Variants in FSTL5 observed in about 807,000 individuals in gnomAD.
The protein encoded by FSTL5 is follistatin like 5.
Under a neutral mutation model 89.1 loss-of-function variants are expected in FSTL5, and 62 were observed. The ratio of observed to expected loss-of-function variants is 0.70; its 90% CI spans 0.57 to 0.86. The LOEUF (loss-of-function observed/expected upper bound fraction) is 0.86. FSTL5 is among the 40% of genes least tolerant of loss of function. The pLI, the probability that FSTL5 is intolerant of heterozygous loss-of-function variation, is 0.00. For missense variants in FSTL5, 1,057 were observed against 1,001.6 expected (o/e 1.06, Z -0.75); for synonymous variants, 383 against 346.2 (o/e 1.11, Z -1.18).
At chr4:161,780,364 G>T (rs774165199) in intron 4 of FSTL5, among the ~76,000 whole-genome samples, 6 of 152,016 alleles carry the variant, frequency 3.9e-5, no homozygotes, top group African/African-American at 1.4e-4. Context: ...TACTTTGATA[G>T]AATCATTTTC....
At chr4:161,511,705 A>G (rs17041139) in intron 10 of FSTL5, among the ~76,000 whole-genome samples, 29,453 of 152,020 alleles carry the variant, frequency 0.19, 3,103 homozygotes, top group East Asian at 0.37. Context: ...GACAAATCTT[A>G]TTCTCAAGGA....
At chr4:161,950,243 C>T (rs34667367) in intron 3 of FSTL5, among the ~76,000 whole-genome samples, 49,144 of 152,018 alleles carry the variant, frequency 0.32, 9,733 homozygotes, top group Non-Finnish European at 0.43. Flanking sequence ...AGCACAGCTG[C>T]CAACATTCTT....
intron 3 of FSTL5, among the ~76,000 whole-genome samples, chr4:162,020,054 C>T (rs1388920380): frequency 6.6e-6 from 1 of 151,262 alleles, no homozygotes; most frequent in African/African-American, 2.4e-5. Context: ...TAAATAATGT[C>T]TCATATATTA....
Position 161,468,302 on chromosome 4 carries a change from T to C in FSTL5, c.1609-8983A>G, listed in dbSNP as rs1349002474. Among the ~76,000 whole-genome samples the C allele has an allele frequency of 2.0e-5, 3 of 152,002 alleles. No homozygotes were observed. In the East Asian group the frequency reaches 5.8e-4, roughly 29 times the overall value. ...TTGATATGTTGCTTTTGGTTCTGTT[T>C]TCCTAATGGAGGGCAGCTATAGAAA... is the stretch of plus-strand genomic sequence containing the variant. On this transcript the variant is annotated intron_variant, in intron 13 of 15. Transcript: ENST00000306100.
intron 4 of FSTL5, among the ~76,000 whole-genome samples, chr4:161,866,972 T>C (rs1732111744): frequency 6.6e-6 from 1 of 152,020 alleles, no homozygotes; most frequent in Admixed American, 6.6e-5. Flanking sequence ...AAAGACAGCA[T>C]CAAATGTAAT....
At chr4:161,806,919 G>T (rs1405648147) in intron 4 of FSTL5, among the ~76,000 whole-genome samples, 1 of 151,988 alleles carries the variant, frequency 6.6e-6, no homozygotes. Flanking sequence ...TACATAGATA[G>T]ATAGATAGAT....
At chr4:161,962,576 C>T (rs567914460) in intron 3 of FSTL5, among the ~76,000 whole-genome samples, 10 of 151,438 alleles carry the variant, frequency 6.6e-5, no homozygotes, top group Admixed American at 1.3e-4. Context: ...TTAATGAGCC[C>T]GCATTGCTCA....
At position 161,650,438 on chromosome 4, in the gene FSTL5, T is replaced by C. The variant is rs142562219; in HGVS notation, c.894+5890A>G. On this transcript the variant is annotated intron_variant, in intron 7 of 15. Coordinates refer to ENST00000306100, the MANE Select transcript of FSTL5 (RefSeq NM_020116.5). ...ATACAATAAAAATATTTATAGTATA[T>C]CTGAAATTCAAATTTACCTGGGAGT... Among the ~76,000 whole-genome samples, 915 of 152,306 alleles carry C rather than the reference T, an allele frequency of 6.0e-3. 9 individuals are homozygous for C. Among genetic ancestry groups the C allele is most frequent in the South Asian group, 0.045 (219 of 4,832 alleles).
intron 1 of FSTL5, among the ~76,000 whole-genome samples, chr4:162,117,486 A>C (rs1257694008): frequency 6.6e-6 from 1 of 152,198 alleles, no homozygotes; most frequent in Non-Finnish European, 1.5e-5. Context: ...TGGGGTTCTT[A>C]ACATTTATAA....
intron 4 of FSTL5, among the ~76,000 whole-genome samples, chr4:161,840,018 C>T (rs193022980): frequency 1.9e-4 from 29 of 152,198 alleles, no homozygotes; most frequent in Admixed American, 5.2e-4. Context: ...AATATACTTA[C>T]AGGAAAAGTA....
chr4:161,952,266 C>A (rs1734916905), intron 3 of FSTL5, among the ~76,000 whole-genome samples: 1 of 151,878 alleles, frequency 6.6e-6, no homozygotes, highest in Non-Finnish European at 1.5e-5. Context: ...CAATCGATAG[C>A]TCTATTTTTT....
intron 6 of FSTL5, among the ~76,000 whole-genome samples, chr4:161,684,144 T>C (rs1737621867): frequency 6.6e-6 from 1 of 151,582 alleles, no homozygotes; most frequent in South Asian, 2.1e-4. Context: ...TAGTATTCCA[T>C]GGTATACTAC....
intron 2 of FSTL5, among the ~76,000 whole-genome samples, chr4:162,064,501 A>G (rs891533062): frequency 6.6e-5 from 10 of 152,030 alleles, no homozygotes; most frequent in African/African-American, 2.4e-4. Flanking sequence ...AAAAAGGTAA[A>G]AAGTAGTTTC....
chr4:161,976,399 C>G (rs1403682443), intron 3 of FSTL5, among the ~76,000 whole-genome samples: 1 of 152,118 alleles, frequency 6.6e-6, no homozygotes, highest in Non-Finnish European at 1.5e-5. Flanking sequence ...TCATCATCAT[C>G]AAAATTTCTC....
chr4:162,099,848 TAGGG>T (rs1730917658), intron 2 of FSTL5, among the ~76,000 whole-genome samples: 1 of 152,156 alleles, frequency 6.6e-6, no homozygotes, highest in Non-Finnish European at 1.5e-5. Context: ...CATATGTCAT[TAGGG>T]AATTGCAAAT....
chr4:161,889,837 T>G (rs1350783238), intron 4 of FSTL5, among the ~76,000 whole-genome samples: 3 of 152,154 alleles, frequency 2.0e-5, no homozygotes, highest in African/African-American at 7.2e-5. Context: ...TTTACAAAAA[T>G]TTTTCTCTAA....
At chr4:162,006,425 G>C (rs2111119438) in intron 3 of FSTL5, among the ~76,000 whole-genome samples, 1 of 151,866 alleles carries the variant, frequency 6.6e-6, no homozygotes, top group Non-Finnish European at 1.5e-5. Context: ...GTGATACTAG[G>C]GAAATGATAA....
intron 1 of FSTL5, among the ~76,000 whole-genome samples, chr4:162,125,922 A>T (rs1007830533): frequency 6.6e-6 from 1 of 151,740 alleles, no homozygotes; most frequent in Admixed American, 6.6e-5. Flanking sequence ...GTTTTCTTTC[A>T]TACTTTATAT....
rs376274983 is a variant in FSTL5 at position 161,950,237 on chromosome 4, C to T, written c.161-29585G>A. On this transcript the variant is annotated intron_variant, in intron 3 of 15. Coordinates refer to ENST00000306100, the MANE Select transcript of FSTL5 (RefSeq NM_020116.5). Reference sequence around the variant, plus strand: ...AAGAATTTCTTTTTGCTTTACAGCACAGCTGCCAACATTCTTTAGAATGTT... The same window carrying T: ...AAGAATTTCTTTTTGCTTTACAGCATAGCTGCCAACATTCTTTAGAATGTT... Among the ~76,000 whole-genome samples the T allele has an allele frequency of 1.2e-4, 18 of 152,262 alleles. No individual in the cohort carries two copies. The South Asian group carries it at 2.3e-3, about 19-fold the overall frequency.
Sources: gnomAD v4.1 joint callset for allele counts (sites outside exome capture counted in the v4.1 genomes callset) on GRCh38, gnomAD v4.1.1 for gene constraint, MANE v1.5 for transcripts, NCBI Gene and HGNC (gene_info 2026-07-23, HGNC 2026-07-21) for gene names.